The following ARHGEF10L variants were observed in gnomAD, a reference collection of about 807,000 sequenced individuals.
ARHGEF10L encodes rho guanine nucleotide exchange factor 10-like protein.
Under a neutral mutation model 141.2 loss-of-function variants are expected in ARHGEF10L, and 69 were observed. That is an observed-to-expected ratio of 0.49 (90% CI 0.40 to 0.60). The LOEUF (loss-of-function observed/expected upper bound fraction) is 0.60, where lower values mean the gene tolerates loss of function less well. ARHGEF10L is among the 20% of genes least tolerant of loss of function. ARHGEF10L has a pLI of 0.00. For missense variants in ARHGEF10L, 1,482 were observed against 1,734.3 expected (o/e 0.85, Z 2.58); for synonymous variants, 711 against 718.5 (o/e 0.99, Z 0.17).
At position 17,547,480 on chromosome 1, in the gene ARHGEF10L, C is replaced by T. The variant is rs572088001; in HGVS notation, c.-44+7530C>T. On this transcript the variant is annotated intron_variant, in intron 1 of 28. Coordinates refer to ENST00000361221, the MANE Select transcript of ARHGEF10L (RefSeq NM_018125.4). ...CTGATTGGTATGCATCCCAGAATCC[C>T]GGCCATTAGCATACAAGGCGGGAGC... 3.9e-5 allele frequency among the ~76,000 whole-genome samples: 6 copies of T among 152,332 alleles called. No homozygotes were observed. In the South Asian group the frequency reaches 6.2e-4, roughly 16 times the overall value.
chr1:17,696,971 A>G lies in ARHGEF10L; in HGVS notation c.3431A>G (p.Glu1144Gly), dbSNP rs755509064. Residue 1144 changes from glutamate to glycine, a missense_variant, in exon 29 of 29, where the codon GAG (glutamate) becomes GGG (glycine). Around this residue, in one of 3 missense-constraint regions of ARHGEF10L, gnomAD observed 858 missense variants for 966.3 expected, o/e 0.89. Transcript: ENST00000361221. ...DQEEAEGPRAEEDKPDGQAHE... is the reference protein window; with the variant it reads ...DQEEAEGPRAGEDKPDGQAHE... ...GAGGAGGCTGAGGGGCCCCGGGCTG[A>G]GGAGGACAAGCCAGACGGGCAGGCA... 5 of 1,612,408 alleles carry G rather than the reference A, an allele frequency of 3.1e-6. No individual in the cohort carries two copies. The highest frequency in any genetic ancestry group is 4.2e-6 in the Non-Finnish European group (5 of 1,179,792).
intron 4 of ARHGEF10L, among the ~76,000 whole-genome samples, chr1:17,599,607 G>T (rs997168307): frequency 6.6e-6 from 1 of 152,190 alleles, no homozygotes; most frequent in Non-Finnish European, 1.5e-5. Context: ...GCAGCTGTTA[G>T]AAATCGGGGT....
chr1:17,563,575 C>T (rs1277619422), intron 1 of ARHGEF10L, among the ~76,000 whole-genome samples: 3 of 152,076 alleles, frequency 2.0e-5, no homozygotes, highest in African/African-American at 7.2e-5. Context: ...GTCCCAAGTA[C>T]TCAGAACAGG....
chr1:17,580,771 G>A (rs1570590916), intron 2 of ARHGEF10L, 139 bp downstream of exon 2: 14 of 970,668 alleles, frequency 1.4e-5, no homozygotes, highest in Admixed American at 6.1e-5. Context: ...TGCCTGGGCC[G>A]CATCCTCTAT....
intron 25 of ARHGEF10L, among the ~76,000 whole-genome samples, chr1:17,658,741 A>G (rs541316851): frequency 2.0e-5 from 3 of 152,198 alleles, no homozygotes; most frequent in South Asian, 4.1e-4. Context: ...AACAAGCAGA[A>G]GTATAAGACT....
At chr1:17,668,381 C>G (rs1327730062) in intron 26 of ARHGEF10L, among the ~76,000 whole-genome samples, 2 of 152,222 alleles carry the variant, frequency 1.3e-5, no homozygotes, top group Non-Finnish European at 2.9e-5. Flanking sequence ...GGACAGGGGC[C>G]CGGGTCAGGC....
chr1:17,660,695 G>C (rs969985431), intron 25 of ARHGEF10L, among the ~76,000 whole-genome samples: 2 of 152,228 alleles, frequency 1.3e-5, no homozygotes, highest in Non-Finnish European at 2.9e-5. Flanking sequence ...CCTCCTGAAG[G>C]TGCCTTTGCT....
intron 27 of ARHGEF10L, among the ~76,000 whole-genome samples, chr1:17,691,363 G>A (rs926686899): frequency 2.6e-5 from 4 of 152,220 alleles, no homozygotes; most frequent in East Asian, 3.9e-4. Context: ...TCTCAATTCC[G>A]GCATCTCTTT....
intron 25 of ARHGEF10L, among the ~76,000 whole-genome samples, chr1:17,659,270 C>A (rs1278525174): frequency 6.6e-6 from 1 of 152,144 alleles, no homozygotes; most frequent in African/African-American, 2.4e-5. Flanking sequence ...GCCAAGGAGG[C>A]CCCTGAGAAG....
At chr1:17,529,789 G>A in the ARHGEF10L span, among the ~76,000 whole-genome samples, 2 of 151,918 alleles carry the variant, frequency 1.3e-5, no homozygotes, top group South Asian at 2.1e-4. Flanking sequence ...CCTCCCATGG[G>A]GCTTATGGGG....
chr1:17,626,914 C>G (rs1200626753), intron 14 of ARHGEF10L, among the ~76,000 whole-genome samples: 1 of 152,258 alleles, frequency 6.6e-6, no homozygotes, highest in Non-Finnish European at 1.5e-5. Flanking sequence ...CTTCAAGATT[C>G]ATCGTGTCCT....
At chr1:17,515,132 AG>A in the ARHGEF10L span, among the ~76,000 whole-genome samples, 1 of 152,158 alleles carries the variant, frequency 6.6e-6, no homozygotes, top group Admixed American at 6.6e-5. Flanking sequence ...GTTGTGAACA[AG>A]GGTCCTCAAT....
the ARHGEF10L span, among the ~76,000 whole-genome samples, chr1:17,521,206 GT>G: frequency 2.0e-5 from 3 of 151,976 alleles, no homozygotes; most frequent in African/African-American, 7.3e-5. Context: ...GTTTTGTTTT[GT>G]TTTTTTGAGA....
At chr1:17,674,542 C>T (rs376055073) in intron 26 of ARHGEF10L, among the ~76,000 whole-genome samples, 3 of 152,126 alleles carry the variant, frequency 2.0e-5, no homozygotes, top group Admixed American at 6.5e-5. Flanking sequence ...AGGAGGGGAG[C>T]GAGAGAGGGG....
At chr1:17,546,779 A>G (rs1329477693) in intron 1 of ARHGEF10L, among the ~76,000 whole-genome samples, 1 of 152,174 alleles carries the variant, frequency 6.6e-6, no homozygotes, top group Non-Finnish European at 1.5e-5. Flanking sequence ...AAGGATGAGA[A>G]TAGAATTCTG....
At chr1:17,626,232 T>A (rs1436533872) in intron 14 of ARHGEF10L, among the ~76,000 whole-genome samples, 184 bp downstream of exon 14, 1 of 152,092 alleles carries the variant, frequency 6.6e-6, no homozygotes, top group Middle Eastern at 3.2e-3. Context: ...AACTGACAGC[T>A]CAGTTTGCAC....
chr1:17,602,475 G>A (rs1033568073), intron 5 of ARHGEF10L, among the ~76,000 whole-genome samples: 1 of 152,198 alleles, frequency 6.6e-6, no homozygotes, highest in African/African-American at 2.4e-5. Flanking sequence ...AGTGGTGGGA[G>A]TGCCCTGGGG....
intron 25 of ARHGEF10L, among the ~76,000 whole-genome samples, chr1:17,659,082 G>A (rs376899692): frequency 1.3e-5 from 2 of 152,242 alleles, no homozygotes; most frequent in East Asian, 1.9e-4. Context: ...ACTTGTCTCA[G>A]TGTGTCAGGG....
At chr1:17,576,624 A>G (rs2078236586) in intron 1 of ARHGEF10L, among the ~76,000 whole-genome samples, 2 of 152,162 alleles carry the variant, frequency 1.3e-5, no homozygotes. Context: ...TAGCCTGGAT[A>G]GGGTCCCCAT....
Sources: allele counts gnomAD v4.1 joint callset (sites outside exome capture counted in the v4.1 genomes callset), GRCh38; gene constraint gnomAD v4.1.1; regional missense constraint gnomAD v4.1.1; transcripts MANE v1.5; gene names NCBI Gene and HGNC (gene_info 2026-07-23, HGNC 2026-07-21).